The following CAST variants were observed in gnomAD, a reference collection of about 807,000 sequenced individuals.
CAST encodes MIR583 host.
A neutral mutation model predicts 119.6 loss-of-function variants in CAST; 76 were observed. That is an observed-to-expected ratio of 0.64 (90% confidence interval 0.53 to 0.77). The LOEUF (loss-of-function observed/expected upper bound fraction) is 0.77, where lower values mean the gene tolerates loss of function less well. CAST is among the 30% of genes least tolerant of loss of function. CAST has a pLI of 0.00. For missense variants in CAST, 953 were observed against 946.5 expected (o/e 1.01, Z -0.09); for synonymous variants, 319 against 331.6 (o/e 0.96, Z 0.41).
chr5:96,649,217 T>C (rs1040869628), intron 1 of CAST, among the ~76,000 whole-genome samples: 5 of 152,196 alleles, frequency 3.3e-5, no homozygotes, highest in African/African-American at 4.8e-5. Flanking sequence ...AAAAAGTTTT[T>C]TCATGTCAGT....
chr5:96,766,467 A>T (rs999942526), intron 27 of CAST, among the ~76,000 whole-genome samples: 13 of 152,224 alleles, frequency 8.5e-5, no homozygotes, highest in African/African-American at 3.1e-4. Context: ...ATAGGATTTC[A>T]AAGGAAGCAA....
the CAST span, among the ~76,000 whole-genome samples, chr5:96,359,691 CAG>C: frequency 1.3e-5 from 2 of 152,266 alleles, no homozygotes; most frequent in Admixed American, 1.3e-4. Flanking sequence ...AGGGTTTCTG[CAG>C]AGAGATTCAC....
the CAST span, among the ~76,000 whole-genome samples, chr5:96,498,484 T>G: frequency 6.6e-6 from 1 of 152,214 alleles, no homozygotes; most frequent in Non-Finnish European, 1.5e-5. Flanking sequence ...AGGATAAACC[T>G]CAACTCCAAT....
At chr5:96,746,010 G>A (rs1763680196) in intron 16 of CAST, among the ~76,000 whole-genome samples, 1 of 152,230 alleles carries the variant, frequency 6.6e-6, no homozygotes, top group Non-Finnish European at 1.5e-5. Context: ...ACAAGTCAGT[G>A]AGCTAGATAA....
the CAST span, chr5:96,425,921 C>G: frequency 6.3e-7 from 1 of 1,599,366 alleles, no homozygotes; most frequent in African/African-American, 1.3e-5. Context: ...TGTTGTTCAG[C>G]CCATATCACC....
intron 10 of CAST, among the ~76,000 whole-genome samples, chr5:96,737,261 G>C (rs894708670): frequency 6.6e-6 from 1 of 152,096 alleles, no homozygotes; most frequent in African/African-American, 2.4e-5. Context: ...GTTCTTGTAA[G>C]TTTAATGTCT....
intron 4 of CAST, 103 bp from the exon 5 acceptor site, chr5:96,726,691 G>A: frequency 1.3e-6 from 1 of 757,322 alleles, no homozygotes; most frequent in Non-Finnish European, 2.2e-6. Context: ...AGATGCAATA[G>A]ATGAATAGAA....
At chr5:96,203,029 T>C in the CAST span, among the ~76,000 whole-genome samples, 1 of 152,096 alleles carries the variant, frequency 6.6e-6, no homozygotes, top group Admixed American at 6.6e-5. Context: ...TCCCACCATC[T>C]GTAAATAACC....
chr5:96,331,221 C>T, the CAST span, among the ~76,000 whole-genome samples: 1 of 152,182 alleles, frequency 6.6e-6, no homozygotes, highest in African/African-American at 2.4e-5. Flanking sequence ...GGGGAAGAGA[C>T]TAAAACCCAG....
intron 4 of CAST, among the ~76,000 whole-genome samples, chr5:96,724,559 A>G (rs867047730): frequency 2.6e-5 from 4 of 152,322 alleles, no homozygotes; most frequent in African/African-American, 9.6e-5. Context: ...GACCAGGCAT[A>G]GTGGCCCACA....
chr5:96,448,740 T>C, the CAST span, among the ~76,000 whole-genome samples: 2 of 152,098 alleles, frequency 1.3e-5, no homozygotes, highest in South Asian at 4.1e-4. Context: ...TCTGGGCTAG[T>C]ATACTGGACC....
intron 3 of CAST, among the ~76,000 whole-genome samples, chr5:96,699,369 C>G (rs998992458): frequency 6.6e-6 from 1 of 152,210 alleles, no homozygotes; most frequent in African/African-American, 2.4e-5. Context: ...AGAACCCACT[C>G]TGACTAAGCC....
chr5:96,036,378 T>G, the CAST span, among the ~76,000 whole-genome samples: 1 of 152,086 alleles, frequency 6.6e-6, no homozygotes, highest in Non-Finnish European at 1.5e-5. Flanking sequence ...TGGACTGAAT[T>G]TGGCCCATAA....
chr5:96,444,676 C>T, the CAST span, among the ~76,000 whole-genome samples: 1 of 152,108 alleles, frequency 6.6e-6, no homozygotes, highest in Non-Finnish European at 1.5e-5. Context: ...GTTCTTCTCT[C>T]ATGGTTATAA....
At chr5:96,185,463 A>C in the CAST span, among the ~76,000 whole-genome samples, 1 of 152,094 alleles carries the variant, frequency 6.6e-6, no homozygotes, top group African/African-American at 2.4e-5. Flanking sequence ...ATTTTCTTCA[A>C]GGGTTTTTGT....
At chr5:96,649,999 G>C (rs1242127793) in intron 1 of CAST, among the ~76,000 whole-genome samples, 1 of 152,194 alleles carries the variant, frequency 6.6e-6, no homozygotes, top group African/African-American at 2.4e-5. Flanking sequence ...TCATAAGTTA[G>C]ATATTATTCT....
At chr5:96,760,869 A>T (rs1488236851) in intron 24 of CAST, 3 of 151,918 alleles carry the variant, frequency 2.0e-5, no homozygotes, top group African/African-American at 7.2e-5. Flanking sequence ...ACTCAATAAA[A>T]TTATTCAATG....
chr5:96,521,531 AT>A (rs1484413423), upstream of CAST, among the ~76,000 whole-genome samples: 2 of 152,190 alleles, frequency 1.3e-5, no homozygotes, highest in Non-Finnish European at 2.9e-5. Context: ...AAGATCACAT[AT>A]CCCCACATGT....
chr5:96,167,686 A>C, the CAST span, among the ~76,000 whole-genome samples: 7 of 152,174 alleles, frequency 4.6e-5, no homozygotes, highest in Admixed American at 3.9e-4. Context: ...TGGGAAGGCC[A>C]AACTGAGGAA....
Sources: allele counts gnomAD v4.1 joint callset (sites outside exome capture counted in the v4.1 genomes callset), GRCh38; gene constraint gnomAD v4.1.1; transcripts MANE v1.5; gene names NCBI Gene and HGNC (gene_info 2026-07-23, HGNC 2026-07-21).